The following COLEC12 variants were observed in gnomAD, a reference collection of about 807,000 sequenced individuals.
COLEC12 encodes collectin-12.
In COLEC12, 33 loss-of-function variants were observed where a neutral mutation model predicts 71.1. The observed-to-expected ratio is 0.46, with a 90% CI of 0.35 to 0.62. The LOEUF is 0.62. Among genes scored for constraint, COLEC12 ranks in the 20% least tolerant of loss-of-function variants. COLEC12 has a pLI of 0.00. For synonymous variants in COLEC12, 350 were observed against 353.0 expected (o/e 0.99, Z 0.10); for missense variants, 765 against 916.1 (o/e 0.84, Z 2.13).
chr18:322,950 C>T (rs543877897), intron 8 of COLEC12, among the ~76,000 whole-genome samples: 75 of 152,268 alleles, frequency 4.9e-4, no homozygotes, highest in African/African-American at 1.3e-3. Flanking sequence ...GAAGGCCGGG[C>T]GTAGTGGCTC....
chr18:466,260 A>G (rs1917084672), intron 2 of COLEC12, among the ~76,000 whole-genome samples: 1 of 152,104 alleles, frequency 6.6e-6, no homozygotes, highest in Non-Finnish European at 1.5e-5. Context: ...AAACAAATAA[A>G]AAATTTTTAA....
At chr18:468,649 A>G (rs1397302410) in intron 2 of COLEC12, among the ~76,000 whole-genome samples, 1 of 152,238 alleles carries the variant, frequency 6.6e-6, no homozygotes, top group Admixed American at 6.5e-5. Flanking sequence ...CTCTTAGTAA[A>G]TAATGAGCAT....
At chr18:335,740 G>T (rs969248358) in intron 5 of COLEC12, among the ~76,000 whole-genome samples, 10 of 152,232 alleles carry the variant, frequency 6.6e-5, no homozygotes, top group African/African-American at 2.4e-4. Context: ...TCCGTGTACT[G>T]TGTACTGTGT....
At chr18:343,290 G>A (rs541571664) in intron 5 of COLEC12, among the ~76,000 whole-genome samples, 16 of 152,256 alleles carry the variant, frequency 1.1e-4, no homozygotes, top group Non-Finnish European at 1.9e-4. Flanking sequence ...CCTTGAGGCC[G>A]AGGACTCCTC....
chr18:326,177 T>A (rs1228400585), intron 8 of COLEC12, among the ~76,000 whole-genome samples: 1 of 152,238 alleles, frequency 6.6e-6, no homozygotes, highest in Non-Finnish European at 1.5e-5. Context: ...TTGATATGTT[T>A]TCATCTTCTT....
chr18:462,457 G>T (rs940409867), intron 2 of COLEC12, among the ~76,000 whole-genome samples: 3 of 152,182 alleles, frequency 2.0e-5, no homozygotes, highest in African/African-American at 7.2e-5. Context: ...GAAACGTTCA[G>T]CACAGGCAAA....
chr18:441,203 G>C (rs1385618242), intron 2 of COLEC12, among the ~76,000 whole-genome samples: 21 of 149,648 alleles, frequency 1.4e-4, no homozygotes, highest in African/African-American at 4.2e-4. Context: ...AGCCGAGATT[G>C]TGCCACTGCA....
chr18:388,539 G>A (rs1915394929), intron 2 of COLEC12, among the ~76,000 whole-genome samples: 1 of 152,126 alleles, frequency 6.6e-6, no homozygotes, highest in Non-Finnish European at 1.5e-5. Context: ...ATGCGCATGG[G>A]TCTCTCCAAA....
chr18:449,412 C>G (rs184313620), intron 2 of COLEC12, among the ~76,000 whole-genome samples: 1 of 152,268 alleles, frequency 6.6e-6, no homozygotes, highest in African/African-American at 2.4e-5. Flanking sequence ...TAGTTGGCAT[C>G]AAAAGTGCCA....
intron 2 of COLEC12, among the ~76,000 whole-genome samples, chr18:389,223 A>G (rs1160739155): frequency 1.4e-5 from 2 of 140,680 alleles, no homozygotes; most frequent in Non-Finnish European, 3.2e-5. Flanking sequence ...ACACACACAC[A>G]CACGGCCATG....
intron 2 of COLEC12, among the ~76,000 whole-genome samples, chr18:467,450 T>C (rs2143746489): frequency 6.6e-6 from 1 of 152,356 alleles, no homozygotes; most frequent in African/African-American, 2.4e-5. Flanking sequence ...GGGGCACAGC[T>C]AAAGTGATTT....
chr18:433,761 C>A (rs1045677745), intron 2 of COLEC12, among the ~76,000 whole-genome samples: 1 of 152,058 alleles, frequency 6.6e-6, no homozygotes, highest in East Asian at 1.9e-4. Context: ...CTCAGGAGTT[C>A]GAGACCAGCC....
Position 367,925 on chromosome 18 carries a change from CCAAAACAAAACAAAA to C in COLEC12, c.59-10418_59-10404del, listed in dbSNP as rs200573575. Among the ~76,000 whole-genome samples, 5 of 152,022 alleles carry C rather than the reference CCAAAACAAAACAAAA, an allele frequency of 3.3e-5. No homozygotes were observed. The South Asian group carries it at 8.3e-4, about 25-fold the overall frequency. Reference sequence around the variant, plus strand: ...GCAACACAGTGAGATGCTGTCTCTACCAAAACAAAACAAAACAAAACAAAACTAGACAAAGGGGGA... The same window carrying C: ...GCAACACAGTGAGATGCTGTCTCTACCAAAACAAAACTAGACAAAGGGGGA... On this transcript the variant is annotated intron_variant, in intron 2 of 9. Coordinates refer to ENST00000400256, the MANE Select transcript of COLEC12 (RefSeq NM_130386.3).
intron 2 of COLEC12, among the ~76,000 whole-genome samples, chr18:423,359 T>C (rs967901477): frequency 6.6e-6 from 1 of 152,206 alleles, no homozygotes; most frequent in African/African-American, 2.4e-5. Flanking sequence ...AGATGTGACA[T>C]TTCCCTCAAG....
intron 2 of COLEC12, among the ~76,000 whole-genome samples, chr18:461,480 G>C (rs958654838): frequency 6.6e-6 from 1 of 152,168 alleles, no homozygotes; most frequent in Non-Finnish European, 1.5e-5. Flanking sequence ...TCAAACTCCT[G>C]GGCTCAAGCA....
rs1914364714 is a variant in COLEC12 at position 346,135 on chromosome 18, C to T, written c.1327+160G>A. 6.6e-6 allele frequency among the ~76,000 whole-genome samples: 1 copy of T among 152,224 alleles called. No homozygotes were observed. The highest frequency in any genetic ancestry group is 1.5e-5 in the Non-Finnish European group (1 of 68,036). On this transcript the variant is annotated intron_variant, in intron 5 of 9. Coordinates refer to ENST00000400256, the MANE Select transcript of COLEC12 (RefSeq NM_130386.3). This position sits in a 1 kb window ranked among gnomAD's most constrained non-coding sequence, Gnocchi z 4.0. Reference sequence around the variant, plus strand: ...GATCTTGACACAACCTCATGAAAAACAGTGAGTCAGGACCATCTAGCTAAG... The same window carrying T: ...GATCTTGACACAACCTCATGAAAAATAGTGAGTCAGGACCATCTAGCTAAG...
At chr18:454,658 G>A (rs1916829642) in intron 2 of COLEC12, among the ~76,000 whole-genome samples, 1 of 152,168 alleles carries the variant, frequency 6.6e-6, no homozygotes, top group African/African-American at 2.4e-5. Flanking sequence ...CTCCAGCCTG[G>A]GAGATAAAAG....
intron 3 of COLEC12, among the ~76,000 whole-genome samples, chr18:348,662 C>T (rs766488601): frequency 1.8e-4 from 27 of 152,130 alleles, no homozygotes; most frequent in Non-Finnish European, 3.7e-4. Context: ...AGAAAGGTTG[C>T]AAAGTCAAGA....
chr18:417,108 T>C (rs1916002696), intron 2 of COLEC12, among the ~76,000 whole-genome samples: 1 of 131,472 alleles, frequency 7.6e-6, no homozygotes, highest in Admixed American at 7.2e-5. Flanking sequence ...GAGAAATGCA[T>C]GGTTAAGTGA....
Sources: allele counts gnomAD v4.1 joint callset (sites outside exome capture counted in the v4.1 genomes callset), GRCh38; gene constraint gnomAD v4.1.1; non-coding constraint Gnocchi (gnomAD v3.1); transcripts MANE v1.5; gene names NCBI Gene and HGNC (gene_info 2026-07-23, HGNC 2026-07-21).